Variants in CLSPN observed in about 807,000 individuals in gnomAD.
The protein encoded by CLSPN is claspin homolog.
A neutral mutation model predicts 156.3 loss-of-function variants in CLSPN; 85 were observed. The observed-to-expected ratio is 0.54, with a 90% CI of 0.46 to 0.65. CLSPN has a LOEUF of 0.65. Ranked by LOEUF, CLSPN falls within the 30% of genes least tolerant of loss-of-function variation. The pLI is 0.00. For missense variants in CLSPN, 1,407 were observed against 1,554.9 expected (o/e 0.90, Z 1.60); for synonymous variants, 534 against 542.4 (o/e 0.98, Z 0.22).
intron 24 of CLSPN, 30 bp from the exon 25 acceptor site, chr1:35,736,636 C>G: frequency 1.3e-6 from 2 of 1,587,632 alleles, no homozygotes; most frequent in Non-Finnish European, 1.7e-6. Context: ...TCAGGGCCAG[C>G]TAAAGACCTT....
At chr1:35,761,022 G>C in intron 7 of CLSPN, 74 bp downstream of exon 7, 1 of 1,424,858 alleles carries the variant, frequency 7.0e-7, no homozygotes, top group Non-Finnish European at 9.9e-7. Context: ...TGAGAAATCT[G>C]AACTTTTTAT....
At position 35,743,549 on chromosome 1, in the gene CLSPN, A is replaced by T. The variant is rs1331380831; in HGVS notation, c.2967-19T>A. On this transcript the variant is annotated intron_variant, in intron 16 of 24. Coordinates refer to ENST00000318121, the MANE Select transcript of CLSPN (RefSeq NM_022111.4). ...CTCTTCCCTAAAATGTAAATCAATG[A>T]ATCAATAAATAAGTTGTTGAAAGCA... is the stretch of plus-strand genomic sequence containing the variant. 1 of 1,597,480 alleles carries T rather than the reference A, an allele frequency of 6.3e-7. No homozygotes were observed. The highest frequency in any genetic ancestry group is 1.7e-5 in the Admixed American group (1 of 59,592).
At chr1:35,720,770 C>A in exon 25 of CLSPN, 1 of 643,734 alleles carries the variant, frequency 1.6e-6, no homozygotes. Context: ...TAAAGGCTCT[C>A]AGCTTTGGTG....
At position 35,753,800 on chromosome 1, in the gene CLSPN, C is replaced by T. The variant is rs373832456; in HGVS notation, c.1716G>A (p.Val572=). The T allele has an allele frequency of 6.8e-6, 11 of 1,614,062 alleles. No individual in the cohort carries two copies. In the African/African-American group the frequency reaches 1.3e-4, roughly 20 times the overall value. Residue 572 remains valine, a synonymous_variant, in exon 9 of 25, where the codon GTG becomes GTA. Transcript: ENST00000318121. The stretch of plus-strand genomic sequence containing the variant: ...TCTTAGGTGCTAAAGTCACAGGTAC[C>T]ACATCTGCTTTTAGCTCTTCCTTTC... ...TDGKEELKAD[V]VPVTLAPKKL...
intron 8 of CLSPN, among the ~76,000 whole-genome samples, chr1:35,757,189 C>G (rs1642300240): frequency 6.6e-6 from 1 of 152,164 alleles, no homozygotes; most frequent in Non-Finnish European, 1.5e-5. Context: ...CCAATGCACC[C>G]TCAATTATAT....
At chr1:35,720,868 C>G in exon 25 of CLSPN, 2 of 1,579,494 alleles carry the variant, frequency 1.3e-6, no homozygotes, top group Non-Finnish European at 1.7e-6. Context: ...CTCCGCCTCT[C>G]TTTGGACTCT....
intron 1 of CLSPN, among the ~76,000 whole-genome samples, chr1:35,769,538 C>T (rs1381144218): frequency 1.3e-5 from 2 of 152,240 alleles, no homozygotes; most frequent in Non-Finnish European, 2.9e-5. Flanking sequence ...ACAGGAAACG[C>T]GCCAAAGGGG....
chr1:35,742,423 G>C (rs1641726381), intron 18 of CLSPN, among the ~76,000 whole-genome samples: 1 of 152,050 alleles, frequency 6.6e-6, no homozygotes, highest in Non-Finnish European at 1.5e-5. Flanking sequence ...GTGCAGTGGG[G>C]CAATCTTGGC....
chr1:35,760,854 A>G lies in CLSPN; in HGVS notation c.1067T>C (p.Met356Thr). Residue 356 changes from methionine (M) to threonine (T), a missense_variant, in exon 8 of 25, where the codon ATG becomes ACG. Physicochemically the swap from Met to Thr is moderately conservative, Grantham distance 81. Around this residue, in one of 3 missense-constraint regions of CLSPN, gnomAD observed 1,096 missense variants for 1,193.0 expected, o/e 0.92. Transcript: ENST00000318121. ...ACCTTTACTATGGTGATCACTGTTC[A>G]TTTCAGTAGTATTTGCAGTGTCTAT... ...EIIDTANTTE[M>T]NSDHHSKGSE... The G allele has an allele frequency of 6.2e-7, 1 of 1,614,002 alleles. No homozygotes were observed. The highest frequency in any genetic ancestry group is 8.5e-7 in the Non-Finnish European group (1 of 1,179,952).
Position 35,732,871 on chromosome 1 carries a change from C to T in CLSPN, c.*3625G>A. On this transcript the variant is annotated 3_prime_UTR_variant, in exon 25 of 25. Transcript: ENST00000318121. ...GCTTAGCTTACTTTATAGCAGCCAT[C>T]CTGGCATAAGGAAAAGTAACCCAGA... 2 of 985,446 alleles carry T rather than the reference C, an allele frequency of 2.0e-6. No individual in the cohort carries two copies. The highest frequency in any genetic ancestry group is 2.4e-6 in the Non-Finnish European group (2 of 829,942). 61.0% of individuals were successfully genotyped at this position (985,446 alleles called of 1,614,324 possible).
chr1:35,764,705 T>A lies in CLSPN; in HGVS notation c.143A>T (p.Glu48Val), dbSNP rs1642611454. The change falls in exon 3 of 25, where the codon GAA (glutamate) becomes GTA (valine). Residue 48 changes from glutamate (E) to valine (V), a missense_variant. Coordinates refer to ENST00000318121, the MANE Select transcript of CLSPN (RefSeq NM_022111.4). ...IGPLSEGDSD[E>V]EIFVSKKLKN... is the part of the protein sequence containing the mutation. Reference sequence around the variant, plus strand: ...CAACTTCTTACTTACAAATATCTCTTCATCTGAATCTGGAGGAAACAATTT... The same window carrying A: ...CAACTTCTTACTTACAAATATCTCTACATCTGAATCTGGAGGAAACAATTT... 1 of 1,569,076 alleles carries A rather than the reference T, an allele frequency of 6.4e-7. No individual in the cohort carries two copies.
downstream of CLSPN, among the ~76,000 whole-genome samples, chr1:35,731,210 A>G (rs1254994717): frequency 2.0e-5 from 3 of 151,918 alleles, no homozygotes; most frequent in Admixed American, 6.6e-5. Context: ...AAAAAAAAAA[A>G]AAAGAAAGAA....
At chr1:35,767,896 C>T (rs1015493799) in intron 1 of CLSPN, among the ~76,000 whole-genome samples, 1 of 152,014 alleles carries the variant, frequency 6.6e-6, no homozygotes, top group African/African-American at 2.4e-5. Context: ...CAAATAAAAA[C>T]CTAAGGAGGA....
At chr1:35,730,828 C>A (rs1016832575), downstream of CLSPN, among the ~76,000 whole-genome samples, 18 of 151,830 alleles carry the variant, frequency 1.2e-4, no homozygotes, top group African/African-American at 4.1e-4. Flanking sequence ...CTACTGCACT[C>A]ACTCCAGCCG....
chr1:35,728,811 C>G (rs978136641), downstream of CLSPN, among the ~76,000 whole-genome samples: 1 of 151,936 alleles, frequency 6.6e-6, no homozygotes, highest in Admixed American at 6.6e-5. Context: ...CATTTAGATT[C>G]TAATCATAAA....
chr1:35,728,851 T>C (rs992242927), downstream of CLSPN, among the ~76,000 whole-genome samples: 2 of 151,396 alleles, frequency 1.3e-5, no homozygotes, highest in Non-Finnish European at 2.9e-5. Flanking sequence ...GGAGGGAGTA[T>C]GCTTGGAAGT....
chr1:35,768,317 G>A (rs973890627), intron 1 of CLSPN, among the ~76,000 whole-genome samples: 1 of 151,822 alleles, frequency 6.6e-6, no homozygotes, highest in African/African-American at 2.4e-5. Context: ...GCAGTGAGCC[G>A]AGATTGTGCC....
At chr1:35,724,056 G>A (rs779950837) in intron 24 of CLSPN, among the ~76,000 whole-genome samples, 1 of 152,164 alleles carries the variant, frequency 6.6e-6, no homozygotes, top group Non-Finnish European at 1.5e-5. Flanking sequence ...AGAGCCAGGA[G>A]GCAAAAGTAG....
chr1:35,738,294 T>C (rs1641553330), intron 21 of CLSPN, among the ~76,000 whole-genome samples, 161 bp downstream of exon 21: 1 of 152,106 alleles, frequency 6.6e-6, no homozygotes, highest in African/African-American at 2.4e-5. Flanking sequence ...CTGTCTATGG[T>C]ATAGCCTTCT....
Sources: allele counts gnomAD v4.1 joint callset (sites outside exome capture counted in the v4.1 genomes callset), GRCh38; gene constraint gnomAD v4.1.1; regional missense constraint gnomAD v4.1.1; transcripts MANE v1.5; gene names NCBI Gene and HGNC (gene_info 2026-07-23, HGNC 2026-07-21).